The following NR3C2 variants were observed in gnomAD, a reference collection of about 807,000 sequenced individuals.
NR3C2 encodes mineralocorticoid receptor.
In NR3C2, 15 loss-of-function variants were observed where a neutral mutation model predicts 86.4. The observed-to-expected ratio is 0.17, with a 90% CI of 0.12 to 0.27. The LOEUF is 0.27. Among genes scored for constraint, NR3C2 ranks in the 10% least tolerant of loss-of-function variants. NR3C2 has a pLI of 1.00. For synonymous variants in NR3C2, 458 were observed against 450.5 expected, an observed-to-expected ratio of 1.02 and a Z score of -0.21; for missense variants, 960 against 1,195.6, an observed-to-expected ratio of 0.80 and a Z score of 2.91.
At chr4:148,406,585 G>C (rs1748438187) in intron 2 of NR3C2, among the ~76,000 whole-genome samples, 1 of 152,152 alleles carries the variant, frequency 6.6e-6, no homozygotes, top group South Asian at 2.1e-4. Flanking sequence ...GGAGGTAAGA[G>C]ATGAGACAAA....
chr4:148,190,287 T>G (rs1736134984), intron 4 of NR3C2, among the ~76,000 whole-genome samples: 1 of 152,222 alleles, frequency 6.6e-6, no homozygotes, highest in Non-Finnish European at 1.5e-5. Context: ...TTGATTTTGT[T>G]TTTGACCCAA....
chr4:148,391,286 G>A (rs17581947), intron 2 of NR3C2, among the ~76,000 whole-genome samples: 15,766 of 151,962 alleles, frequency 0.1, 980 homozygotes, highest in Middle Eastern at 0.3. Flanking sequence ...TTCTCACTGT[G>A]AGTCAGAATT....
intron 3 of NR3C2, among the ~76,000 whole-genome samples, chr4:148,244,894 C>A (rs993245674): frequency 7.2e-5 from 11 of 152,150 alleles, no homozygotes; most frequent in African/African-American, 2.7e-4. Context: ...AGTGTTATAG[C>A]TTTTAATGTC....
intron 3 of NR3C2, among the ~76,000 whole-genome samples, chr4:148,244,260 G>A (rs907954073): frequency 2.6e-5 from 4 of 152,218 alleles, no homozygotes; most frequent in Non-Finnish European, 5.9e-5. Flanking sequence ...GTTTTGGGGT[G>A]AGAAGGGTGT....
At chr4:148,164,566 A>AT (rs950655027) in intron 4 of NR3C2, among the ~76,000 whole-genome samples, 3 of 152,236 alleles carry the variant, frequency 2.0e-5, no homozygotes, top group African/African-American at 7.2e-5. Context: ...TTTATAATAC[A>AT]TTTAAAATAA....
chr4:148,355,167 C>T (rs554570226), intron 2 of NR3C2, among the ~76,000 whole-genome samples: 5 of 152,108 alleles, frequency 3.3e-5, no homozygotes, highest in Non-Finnish European at 7.3e-5. Flanking sequence ...CAACCTCTCC[C>T]ACATCAGAAT....
rs540635968 is a variant in NR3C2, at chr4:148,303,899, CCT to C, written c.1758-43784_1758-43783del. On this transcript the variant is annotated intron_variant, in intron 2 of 8. Transcript: ENST00000358102. ...CGGATATTTCCACTCCCTAGATCCC[CCT>C]GTTAACATGGGTTAAAGGCGCGTTG... is the stretch of plus-strand genomic sequence containing the variant. Among the ~76,000 whole-genome samples the C allele has an allele frequency of 1.9e-3, 287 of 152,328 alleles. 1 individual carries two copies. The highest frequency in any genetic ancestry group is 0.014 in the Middle Eastern group (4 of 294).
rs559320632 is a variant in NR3C2, at chr4:148,262,983, C to A, written c.1758-2866G>T. The stretch of plus-strand genomic sequence containing the variant: ...TCAACACCTCTTACCTGGGATTCTG[C>A]AGAAGCTTCCTAGCTGATCTTCTGG... On this transcript the variant is annotated intron_variant, in intron 2 of 8. Coordinates refer to ENST00000358102, the MANE Select transcript of NR3C2 (RefSeq NM_000901.5). 2.0e-5 allele frequency among the ~76,000 whole-genome samples: 3 copies of A among 152,296 alleles called. No individual in the cohort carries two copies. In the Middle Eastern group the frequency reaches 0.01, roughly 522 times the overall value.
intron 2 of NR3C2, among the ~76,000 whole-genome samples, chr4:148,339,746 G>A (rs1229542929): frequency 2.0e-5 from 3 of 152,084 alleles, no homozygotes; most frequent in Non-Finnish European, 4.4e-5. Flanking sequence ...ATCCAATTTG[G>A]AAGGAAGAAG....
At chr4:148,323,798 G>GAACCCGGTACCTCAGATGGAAATGCAGA (rs1743789486) in intron 2 of NR3C2, among the ~76,000 whole-genome samples, 1 of 152,146 alleles carries the variant, frequency 6.6e-6, no homozygotes, top group Non-Finnish European at 1.5e-5. Context: ...CTAGTGCGAT[G>GAACCCGGTACCTCAGATGGAAATGCAGA]AACCCGGTAC....
chr4:148,094,812 G>A (rs1425444053), intron 8 of NR3C2, among the ~76,000 whole-genome samples: 1 of 151,108 alleles, frequency 6.6e-6, no homozygotes, highest in Non-Finnish European at 1.5e-5. Flanking sequence ...CAGCTCAAAA[G>A]GTCCATCCAC....
intron 2 of NR3C2, among the ~76,000 whole-genome samples, chr4:148,266,940 G>C (rs575954449): frequency 4.6e-5 from 7 of 152,216 alleles, no homozygotes; most frequent in Non-Finnish European, 4.4e-5. Flanking sequence ...TGATATCTAA[G>C]ATGGGGGGAA....
rs72656850 is a variant in NR3C2, at chr4:148,352,901, A to G, written c.1757+82203T>C. Among the ~76,000 whole-genome samples the G allele has an allele frequency of 2.1e-3, 316 of 152,288 alleles. 2 individuals are homozygous for G. Among genetic ancestry groups the G allele is most frequent in the African/African-American group, 7.2e-3 (299 of 41,576 alleles). ...AAAGATGTAAAGTAGCTAACAAGCT[A>G]TATAACACATTTTCTAAAATAACAT... On this transcript the variant is annotated intron_variant, in intron 2 of 8. Transcript: ENST00000358102.
intron 4 of NR3C2, among the ~76,000 whole-genome samples, chr4:148,158,952 A>C (rs1250267506): frequency 2.0e-5 from 3 of 152,236 alleles, no homozygotes; most frequent in African/African-American, 4.8e-5. Context: ...CCAATAGTTC[A>C]AGGTAATAAA....
At chr4:148,278,692 G>T (rs1260277659) in intron 2 of NR3C2, among the ~76,000 whole-genome samples, 1 of 152,088 alleles carries the variant, frequency 6.6e-6, no homozygotes, top group African/African-American at 2.4e-5. Context: ...TTATGGCTTT[G>T]TCAAGAAATT....
chr4:148,354,429 G>A (rs1408388889), intron 2 of NR3C2, among the ~76,000 whole-genome samples: 1 of 152,078 alleles, frequency 6.6e-6, no homozygotes, highest in Non-Finnish European at 1.5e-5. Flanking sequence ...GTGCCGGGTT[G>A]TCAGTGTCCC....
chr4:148,116,214 AAATTTATATTTCTGATAGTTG>A (rs1732267570), intron 7 of NR3C2, among the ~76,000 whole-genome samples: 2 of 152,238 alleles, frequency 1.3e-5, no homozygotes, highest in Non-Finnish European at 2.9e-5. Flanking sequence ...AAGATTAACC[AAATTTATATTTCTGATAGTTG>A]TAGATCAAAA....
At chr4:148,255,915 G>T (rs368610624) in intron 3 of NR3C2, among the ~76,000 whole-genome samples, 2 of 152,202 alleles carry the variant, frequency 1.3e-5, no homozygotes, top group South Asian at 4.1e-4. Flanking sequence ...ACTGGGTGGG[G>T]GAAGTCATCC....
In NR3C2 at chr4:148,436,134, T is replaced by C. The variant is rs1750053339; in HGVS notation, c.727A>G (p.Asn243Asp). 6.2e-7 allele frequency: 1 copy of C among 1,614,018 alleles called. No homozygotes were observed. Among genetic ancestry groups the C allele is most frequent in the African/African-American group, 1.3e-5 (1 of 74,904 alleles). Residue 243 changes from asparagine (N) to aspartate (D), a missense_variant, in exon 2 of 9, where the codon AAT becomes GAT. By Grantham distance (23) the Asn-to-Asp change is conservative. This residue lies in a region of NR3C2 where 680 missense variants were observed against 719.0 expected (regional missense o/e 0.95). Coordinates refer to ENST00000358102, the MANE Select transcript of NR3C2 (RefSeq NM_000901.5). ...GGGCTGTGCGACCTGGAGCCTCGAT[T>C]TTCAACATTAGGGGAGCATGTCAGA... ...TPLTCSPNVE[N>D]RGSRSHSPAH...
Sources: gnomAD v4.1 joint callset for allele counts (sites outside exome capture counted in the v4.1 genomes callset) on GRCh38, gnomAD v4.1.1 for gene constraint, gnomAD v4.1.1 regional missense constraint, MANE v1.5 for transcripts, NCBI Gene and HGNC (gene_info 2026-07-23, HGNC 2026-07-21) for gene names.